The following RYR2 variants were observed in gnomAD, a reference collection of about 807,000 sequenced individuals.
RYR2 encodes the protein cardiac muscle ryanodine receptor-calcium release channel.
Under a neutral mutation model 601.1 loss-of-function variants are expected in RYR2, and 227 were observed. The observed-to-expected ratio is 0.38, with a 90% CI of 0.34 to 0.42. The LOEUF (loss-of-function observed/expected upper bound fraction) is 0.42. Ranked by LOEUF, RYR2 falls within the 10% of genes least tolerant of loss-of-function variation. The probability of loss-of-function intolerance (pLI) is 1.00; values close to 1 mark genes in which losing one functional copy is unlikely to be tolerated. For missense variants in RYR2, 4,646 were observed against 6,156.5 expected, an observed-to-expected ratio of 0.75 and a Z score of 8.21; for synonymous variants, 2,223 against 2,175.1, an observed-to-expected ratio of 1.02 and a Z score of -0.61.
intron 38 of RYR2, among the ~76,000 whole-genome samples, chr1:237,618,555 A>G (rs1678735085): frequency 6.6e-6 from 1 of 152,200 alleles, no homozygotes; most frequent in African/African-American, 2.4e-5. Flanking sequence ...GAAGACGACA[A>G]CCAGGAAACA....
intron 1 of RYR2, among the ~76,000 whole-genome samples, chr1:237,139,852 G>A (rs1338890529): frequency 6.6e-6 from 1 of 152,180 alleles, no homozygotes. Context: ...AACTATGGTG[G>A]CTTTGACGAA....
Position 237,106,468 on chromosome 1 carries a change from A to G in RYR2, c.48+63899A>G, listed in dbSNP as rs1668696480. On this transcript the variant is annotated intron_variant, in intron 1 of 104. Coordinates refer to ENST00000366574, the MANE Select transcript of RYR2 (RefSeq NM_001035.3). This position sits in a 1 kb window ranked among gnomAD's most constrained non-coding sequence, Gnocchi z 4.4. ...GATCATCCCAAGGTTTCTGGCAGAC[A>G]GATGATGTTTCACCAGCTAAGATGG... Among the ~76,000 whole-genome samples the G allele has an allele frequency of 6.6e-6, 1 of 152,178 alleles. No individual in the cohort carries two copies. The highest frequency in any genetic ancestry group is 2.4e-5 in the African/African-American group (1 of 41,450).
Position 237,317,583 on chromosome 1 carries a change from G to A in RYR2, c.169-13295G>A, listed in dbSNP as rs557484073. Among the ~76,000 whole-genome samples the A allele has an allele frequency of 3.9e-5, 6 of 152,122 alleles. No homozygotes were observed. In the South Asian group the frequency reaches 6.2e-4, roughly 16 times the overall value. ...TTATTAGGGCCAGTAGTTTTTTGGTGGGTTACTTGGTGTTTCCAATGTATG... is the reference window on the plus strand; with the variant it reads ...TTATTAGGGCCAGTAGTTTTTTGGTAGGTTACTTGGTGTTTCCAATGTATG... On this transcript the variant is annotated intron_variant, in intron 2 of 104. Coordinates refer to ENST00000366574, the MANE Select transcript of RYR2 (RefSeq NM_001035.3).
intron 10 of RYR2, among the ~76,000 whole-genome samples, chr1:237,410,942 G>A (rs545327273): frequency 2.0e-5 from 3 of 152,232 alleles, no homozygotes; most frequent in South Asian, 4.2e-4. Context: ...CAAATGTATT[G>A]CGATGCATAC....
At chr1:237,697,613 G>A (rs1220249858) in intron 63 of RYR2, among the ~76,000 whole-genome samples, 1 of 90,692 alleles carries the variant, frequency 1.1e-5, no homozygotes, top group African/African-American at 4.3e-5. Context: ...TTTTTTTTTT[G>A]CTTACTGATT....
At chr1:237,110,780 T>C (rs1572670683) in intron 1 of RYR2, among the ~76,000 whole-genome samples, 1 of 152,232 alleles carries the variant, frequency 6.6e-6, no homozygotes, top group East Asian at 1.9e-4. Context: ...TGCTGTGGAC[T>C]GAAACATTCT....
intron 1 of RYR2, among the ~76,000 whole-genome samples, chr1:237,098,233 T>C (rs1288026070): frequency 6.6e-6 from 1 of 152,232 alleles, no homozygotes; most frequent in Non-Finnish European, 1.5e-5. Flanking sequence ...TTGATTGATT[T>C]TAATTTCTTC....
chr1:237,539,996 T>A (rs1317388253), intron 25 of RYR2, among the ~76,000 whole-genome samples: 2 of 152,162 alleles, frequency 1.3e-5, no homozygotes, highest in Non-Finnish European at 2.9e-5. Context: ...GAAGAATGGA[T>A]GATTCGTTGT....
chr1:237,345,058 T>C (rs2787108), intron 3 of RYR2, among the ~76,000 whole-genome samples: 22,338 of 152,064 alleles, frequency 0.15, 1,815 homozygotes, highest in East Asian at 0.34. Context: ...ATCCGCCCAC[T>C]TCGGACTCCC....
chr1:237,694,380 GTTGAGAA>G (rs1687232198), intron 63 of RYR2, among the ~76,000 whole-genome samples: 1 of 151,670 alleles, frequency 6.6e-6, no homozygotes, highest in South Asian at 2.1e-4. Flanking sequence ...GTGCCATTAA[GTTGAGAA>G]TGTAATGGTT....
chr1:237,506,308 C>T (rs1326435888), intron 22 of RYR2, among the ~76,000 whole-genome samples: 1 of 151,948 alleles, frequency 6.6e-6, no homozygotes, highest in African/African-American at 2.4e-5. Flanking sequence ...GAGGCCGAGG[C>T]GGGCGGATCA....
chr1:237,409,291 G>A (rs1704206041), intron 10 of RYR2, among the ~76,000 whole-genome samples: 1 of 152,000 alleles, frequency 6.6e-6, no homozygotes, highest in Non-Finnish European at 1.5e-5. Context: ...TTGGCTGTAG[G>A]CATTTTTTGT....
At position 237,387,374 on chromosome 1, in the gene RYR2, G is replaced by A; in HGVS notation, c.670G>A (p.Ala224Thr). Residue 224 changes from alanine to threonine, a missense_variant, in exon 9 of 105, where the codon GCC (alanine) becomes ACC (threonine). By Grantham distance (58) the Ala-to-Thr change is moderately conservative. This residue lies in a region of RYR2 where 87 missense variants were observed against 144.7 expected (regional missense o/e 0.60). Transcript: ENST00000366574. ...VAPISSGSEA[A>T]QGYLIGGDVL... Reference sequence around the variant, plus strand: ...CCCAATCAGCTCAGGAAGTGAGGCAGCCCAAGGTAAAAACTCCACTTCAAT... The same window carrying A: ...CCCAATCAGCTCAGGAAGTGAGGCAACCCAAGGTAAAAACTCCACTTCAAT... The A allele has an allele frequency of 6.2e-7, 1 of 1,613,858 alleles. No homozygotes were observed. The highest frequency in any genetic ancestry group is 8.5e-7 in the Non-Finnish European group (1 of 1,179,784).
In RYR2 at chr1:237,608,194, A is replaced by G. The variant is rs181659774; in HGVS notation, c.4684-2568A>G. 5.1e-4 allele frequency among the ~76,000 whole-genome samples: 78 copies of G among 152,206 alleles called. 1 individual carries two copies. The South Asian group carries it at 0.012, about 24-fold the overall frequency. On this transcript the variant is annotated intron_variant, in intron 35 of 104. Transcript: ENST00000366574. ...TGGTTGTATCAACTAAAAAAGAGGA[A>G]CCTATGAGATAGGCTGAGGGCAGAA...
At chr1:237,509,240 A>T (rs1219280902) in intron 23 of RYR2, among the ~76,000 whole-genome samples, 1 of 152,100 alleles carries the variant, frequency 6.6e-6, no homozygotes, top group Non-Finnish European at 1.5e-5. Context: ...GTGTTCTCTC[A>T]TCTAATGTAT....
intron 74 of RYR2, among the ~76,000 whole-genome samples, chr1:237,723,833 T>C (rs1397737112): frequency 6.6e-6 from 1 of 152,120 alleles, no homozygotes; most frequent in Admixed American, 6.6e-5. Context: ...AGTTGTGTCC[T>C]ACTTTACACT....
At chr1:237,510,480 A>G (rs772445907) in intron 23 of RYR2, among the ~76,000 whole-genome samples, 6 of 152,132 alleles carry the variant, frequency 3.9e-5, no homozygotes, top group Non-Finnish European at 5.9e-5. Context: ...ATAAAATTAC[A>G]TAACTCAATT....
chr1:237,384,771 C>T (rs1365979255), intron 8 of RYR2, among the ~76,000 whole-genome samples: 1 of 152,218 alleles, frequency 6.6e-6, no homozygotes, highest in Non-Finnish European at 1.5e-5. Flanking sequence ...ATGAGAAACT[C>T]TGCTCTCATT....
Position 237,259,544 on chromosome 1 carries a change from A to AGAG in RYR2, c.49-10953_49-10952insGAG, listed in dbSNP as rs1553368848. On this transcript the variant is annotated intron_variant, in intron 1 of 104. Transcript: ENST00000366574. ...CTAGACCATTTAAAAAAAAAAAAAA[A>AGAG]AAAGAGAGACTACCGTCACCTTGTA... Among the ~76,000 whole-genome samples, 43 of 19,770 alleles carry AGAG rather than the reference A, an allele frequency of 2.2e-3. No individual in the cohort carries two copies. In the South Asian group the frequency reaches 0.035, roughly 16 times the overall value. 13.0% of individuals were successfully genotyped at this position (19,770 alleles called of 152,430 possible). A position where few individuals can be genotyped will look rare whatever the true frequency, so the allele number is the denominator to read the frequency against.
Sources: allele counts gnomAD v4.1 joint callset (sites outside exome capture counted in the v4.1 genomes callset), GRCh38; gene constraint gnomAD v4.1.1; regional missense constraint gnomAD v4.1.1; non-coding constraint Gnocchi (gnomAD v3.1); transcripts MANE v1.5; gene names NCBI Gene and HGNC (gene_info 2026-07-23, HGNC 2026-07-21).